MOB3C: variants seen among roughly 807,000 people sequenced by gnomAD.
MOB3C encodes the protein MOB kinase activator 3C, also known as MOB1, Mps One Binder kinase activator-like 2C.
A neutral mutation model predicts 19.8 loss-of-function variants in MOB3C; 17 were observed. The ratio of observed to expected loss-of-function variants is 0.86; its 90% CI spans 0.59 to 1.29. MOB3C has a LOEUF of 1.29. Ranked by LOEUF, MOB3C falls within the 50% of genes most tolerant of loss-of-function variation. MOB3C has a pLI of 0.00. For missense variants in MOB3C, 291 were observed against 301.9 expected (o/e 0.96, Z 0.27); for synonymous variants, 101 against 119.2 (o/e 0.85, Z 0.99).
At position 46,613,065 on chromosome 1, in the gene MOB3C, C is replaced by G; in HGVS notation, c.257G>C (p.Ser86Thr). 1 of 1,614,174 alleles carries G rather than the reference C, an allele frequency of 6.2e-7. No homozygotes were observed. Among genetic ancestry groups the G allele is most frequent in the South Asian group, 1.1e-5 (1 of 91,090 alleles). Residue 86 changes from serine (S) to threonine (T), a missense_variant, in exon 2 of 4, where the codon AGC becomes ACC. Transcript: ENST00000319928. ...GGGCCCGCCGGCCATGACCGGGCAG[C>G]TGGTCTCACTGCAGCGCTCCGCCAT... ...GTMAERCSETSCPVMAGGPRY... is the reference protein window; with the variant it reads ...GTMAERCSETTCPVMAGGPRY...
intron 1 of MOB3C, chr1:46,615,928 C>T (rs1023783065): frequency 6.5e-6 from 1 of 152,774 alleles, no homozygotes; most frequent in Non-Finnish European, 1.5e-5. Flanking sequence ...GCCTGGGTCT[C>T]TTTCCAGGAA....
intron 2 of MOB3C, among the ~76,000 whole-genome samples, chr1:46,610,942 G>A (rs940946902): frequency 3.0e-4 from 46 of 152,276 alleles, no homozygotes; most frequent in African/African-American, 1.1e-3. Flanking sequence ...AAAAATCCCT[G>A]GGCCTTCAGG....
Position 46,607,890 on chromosome 1 carries a change from T to A in MOB3C, c.*1765A>T, listed in dbSNP as rs1675392734. 1 of 152,196 alleles carries A rather than the reference T, an allele frequency of 6.6e-6. No homozygotes were observed. Among genetic ancestry groups the A allele is most frequent in the African/African-American group, 2.4e-5 (1 of 41,448 alleles). The allele number at this position is 152,196 out of a possible 1,614,324, so 9.4% of individuals were successfully genotyped here. A position where few individuals can be genotyped will look rare whatever the true frequency, so the allele number is the denominator to read the frequency against. On this transcript the variant is annotated 3_prime_UTR_variant, in exon 4 of 4. Coordinates refer to ENST00000319928, the MANE Select transcript of MOB3C (RefSeq NM_201403.3). The stretch of plus-strand genomic sequence containing the variant: ...TGGGAAAAGCTCCTACTACCCTCGC[T>A]CCACAGCCTCTGGCAAAGCTGCCAG...
At chr1:46,610,665 A>G (rs1265849592) in intron 2 of MOB3C, among the ~76,000 whole-genome samples, 1 of 152,188 alleles carries the variant, frequency 6.6e-6, no homozygotes, top group East Asian at 1.9e-4. Flanking sequence ...TACAGGCATG[A>G]GCCACTGTGC....
intron 3 of MOB3C, 58 bp downstream of exon 3, chr1:46,609,944 G>C (rs1441145900): frequency 1.1e-5 from 18 of 1,593,648 alleles, no homozygotes. Context: ...GGCAGCTTTT[G>C]GACGTGAAAA....
At position 46,613,263 on chromosome 1, in the gene MOB3C, C is replaced by T; in HGVS notation, c.59G>A (p.Arg20His). ...AKDKTFRPRK[R>H]FEPGTQRFEL... ...AAAGCGCTGTGTGCCCGGCTCAAAGCGCTTCCGCGGCCGGAACGTCTTGTC... is the reference window on the plus strand; with the variant it reads ...AAAGCGCTGTGTGCCCGGCTCAAAGTGCTTCCGCGGCCGGAACGTCTTGTC... Residue 20 changes from arginine to histidine, a missense_variant, in exon 2 of 4, where the codon CGC becomes CAC. Arg to His is a conservative substitution (Grantham distance 29, BLOSUM62 0). Transcript: ENST00000319928. The T allele has an allele frequency of 1.2e-6, 2 of 1,613,494 alleles. No individual in the cohort carries two copies. Among genetic ancestry groups the T allele is most frequent in the African/African-American group, 1.3e-5 (1 of 75,070 alleles).
chr1:46,615,156 C>A lies in MOB3C; in HGVS notation c.-51+1555G>T. On this transcript the variant is annotated intron_variant, in intron 1 of 3. Coordinates refer to ENST00000319928, the MANE Select transcript of MOB3C (RefSeq NM_201403.3). ...ACTGCAATTAGGCGGGGCTCCTGGG[C>A]TCCCCACATTGCATGGCCCCCTTTA... 7.1e-6 allele frequency: 8 copies of A among 1,128,710 alleles called. 1 individual carries two copies. In the South Asian group the frequency reaches 1.0e-4, roughly 15 times the overall value. The allele number at this position is 1,128,710 out of a possible 1,614,324, so 69.9% of individuals were successfully genotyped here.
At chr1:46,614,905 T>C in intron 1 of MOB3C, 1 of 1,278,878 alleles carries the variant, frequency 7.8e-7, no homozygotes, top group South Asian at 1.2e-5. Context: ...TCTGGTAAAA[T>C]GAGAGCAGCT....
Position 46,609,377 on chromosome 1 carries a change from T to C in MOB3C, c.*278A>G, listed in dbSNP as rs1246689522. On this transcript the variant is annotated 3_prime_UTR_variant, in exon 4 of 4. Coordinates refer to ENST00000319928, the MANE Select transcript of MOB3C (RefSeq NM_201403.3). ...ACCAGCATGGAAGGGTCAAGTGTCA[T>C]AGAAGAAACCCCCTAGCCTACCCTA... 3 of 541,684 alleles carry C rather than the reference T, an allele frequency of 5.5e-6. No individual in the cohort carries two copies. The highest frequency in any genetic ancestry group is 4.0e-5 in the South Asian group (2 of 49,682). 33.6% of individuals were successfully genotyped at this position (541,684 alleles called of 1,614,324 possible).
At chr1:46,613,562 C>G (rs1675511393) in intron 1 of MOB3C, 191 bp from the exon 2 acceptor site, 1 of 604,400 alleles carries the variant, frequency 1.7e-6, no homozygotes, top group East Asian at 2.8e-5. Flanking sequence ...GTCCCCCTTG[C>G]TAAGCCCCCA....
chr1:46,611,026 C>G lies in MOB3C; in HGVS notation c.419-822G>C, dbSNP rs911758166. On this transcript the variant is annotated intron_variant, in intron 2 of 3. Coordinates refer to ENST00000319928, the MANE Select transcript of MOB3C (RefSeq NM_201403.3). The surrounding 1 kb of genome is among the most constrained non-coding windows in gnomAD (Gnocchi z 4.1). The stretch of plus-strand genomic sequence containing the variant: ...CTTATCCTGACCTCCCTCTCTAGCC[C>G]CACCCCATGTCCCTCCTCTTTTCAA... 6.6e-6 allele frequency among the ~76,000 whole-genome samples: 1 copy of G among 152,198 alleles called. No homozygotes were observed. Among genetic ancestry groups the G allele is most frequent in the African/African-American group, 2.4e-5 (1 of 41,446 alleles).
At chr1:46,615,140 AGGCGG>A in intron 1 of MOB3C, 1 of 1,335,398 alleles carries the variant, frequency 7.5e-7, no homozygotes, top group Non-Finnish European at 1.1e-6. Context: ...CACTGCAATT[AGGCGG>A]GGCTCCTGGG....
chr1:46,610,288 C>A lies in MOB3C; in HGVS notation c.419-84G>T, dbSNP rs376040973. 2.7e-5 allele frequency: 35 copies of A among 1,311,692 alleles called. No homozygotes were observed. The East Asian group carries it at 4.0e-4, about 15-fold the overall frequency. The allele number at this position is 1,311,692 out of a possible 1,614,324, so 81.3% of individuals were successfully genotyped here. A position where few individuals can be genotyped will look rare whatever the true frequency, so the allele number is the denominator to read the frequency against. ...CTTTTCCCTCCCACACACAGGCAAC[C>A]AGGATGGCTTTTTCCCCAGCACACT... On this transcript the variant is annotated intron_variant, in intron 2 of 3. Coordinates refer to ENST00000319928, the MANE Select transcript of MOB3C (RefSeq NM_201403.3).
In MOB3C at chr1:46,610,152, G is replaced by A. The variant is rs774891946; in HGVS notation, c.471C>T (p.Arg157=). The A allele has an allele frequency of 6.2e-7, 1 of 1,614,222 alleles. No individual in the cohort carries two copies. Among genetic ancestry groups the A allele is most frequent in the Admixed American group, 1.7e-5 (1 of 60,020 alleles). ...AGACATGGACAAAGACTCGGAAGAG[G>A]CGGGTCAGGATCTTGGTGCAGACCT... ...FQQVCTKILT[R]LFRVFVHVYI... is the part of the protein sequence containing the mutation. Residue 157 remains arginine, a synonymous_variant, in exon 3 of 4, where the codon CGC becomes CGT. Coordinates refer to ENST00000319928, the MANE Select transcript of MOB3C (RefSeq NM_201403.3).
chr1:46,609,925 CT>C (rs1352715009), intron 3 of MOB3C, 76 bp downstream of exon 3: 46 of 1,553,528 alleles, frequency 3.0e-5, no homozygotes, highest in Non-Finnish European at 3.9e-5. Context: ...GTTGGAGTTA[CT>C]TAAAGCAGGC....
chr1:46,611,777 C>T lies in MOB3C; in HGVS notation c.418+1127G>A, dbSNP rs1289077508. On this transcript the variant is annotated intron_variant, in intron 2 of 3. Transcript: ENST00000319928. This position sits in a 1 kb window ranked among gnomAD's most constrained non-coding sequence, Gnocchi z 4.1. ...CTTTCCCTCAGTAGCCTCAAGTTTC[C>T]TCCTATGTAAAATGAAGGTGCTCCT... Among the ~76,000 whole-genome samples the T allele has an allele frequency of 6.6e-6, 1 of 152,222 alleles. No individual in the cohort carries two copies. Among genetic ancestry groups the T allele is most frequent in the Non-Finnish European group, 1.5e-5 (1 of 68,042 alleles).
intron 2 of MOB3C, among the ~76,000 whole-genome samples, chr1:46,612,457 T>C (rs1485617834): frequency 6.6e-6 from 1 of 151,390 alleles, no homozygotes. Context: ...TGAGGTCAGG[T>C]GTTCGAGATC....
Position 46,609,453 on chromosome 1 carries a change from G to C in MOB3C, c.*202C>G. On this transcript the variant is annotated 3_prime_UTR_variant, in exon 4 of 4. Transcript: ENST00000319928. ...AACTCCACTTCCCTTCTGTTTGCCT[G>C]CCTAGATGCTCTCCCCTTCTCCATC... is the stretch of plus-strand genomic sequence containing the variant. 1.5e-6 allele frequency: 1 copy of C among 661,500 alleles called. No individual in the cohort carries two copies. The allele number at this position is 661,500 out of a possible 1,614,324, so 41.0% of individuals were successfully genotyped here. A position where few individuals can be genotyped will look rare whatever the true frequency, so the allele number is the denominator to read the frequency against.
At position 46,612,982 on chromosome 1, in the gene MOB3C, C is replaced by T; in HGVS notation, c.340G>A (p.Ala114Thr). The T allele has an allele frequency of 6.2e-7, 1 of 1,611,438 alleles. No homozygotes were observed. The highest frequency in any genetic ancestry group is 8.5e-7 in the Non-Finnish European group (1 of 1,178,354). ...RQYRRPAKLS[A>T]PRYMALLMDW... The stretch of plus-strand genomic sequence containing the variant: ...ATGAGCAATGCCATATAGCGCGGCG[C>T]AGAGAGCTTGGCGGGCCGCCGGTAC... The change falls in exon 2 of 4, where the codon GCG becomes ACG. Residue 114 changes from alanine to threonine, a missense_variant. Ala to Thr is a moderately conservative substitution (Grantham distance 58). Coordinates refer to ENST00000319928, the MANE Select transcript of MOB3C (RefSeq NM_201403.3).
Sources: allele counts gnomAD v4.1 joint callset (sites outside exome capture counted in the v4.1 genomes callset), GRCh38; gene constraint gnomAD v4.1.1; non-coding constraint Gnocchi (gnomAD v3.1); transcripts MANE v1.5; gene names NCBI Gene and HGNC (gene_info 2026-07-23, HGNC 2026-07-21).